Variants in MYOF observed in about 807,000 individuals in gnomAD.
MYOF encodes fer-1-like 3, myoferlin.
MYOF carries 244 observed loss-of-function variants against 284.2 expected under a neutral mutation model. The observed-to-expected ratio is 0.86, with a 90% CI of 0.77 to 0.95. The LOEUF (loss-of-function observed/expected upper bound fraction) is 0.95. Among genes scored for constraint, MYOF ranks in the 40% least tolerant of loss-of-function variants. MYOF has a pLI of 0.00. For missense variants in MYOF, 2,496 were observed against 2,560.6 expected (o/e 0.97, Z 0.54); for synonymous variants, 904 against 919.7 (o/e 0.98, Z 0.31).
At chr10:93,445,013 A>G (rs753453354) in intron 3 of MYOF, among the ~76,000 whole-genome samples, 1 of 152,242 alleles carries the variant, frequency 6.6e-6, no homozygotes, top group Non-Finnish European at 1.5e-5. Context: ...TTCCTACTCA[A>G]CAGTATAAAA....
intron 1 of MYOF, among the ~76,000 whole-genome samples, chr10:93,459,063 G>A (rs1044191451): frequency 5.9e-5 from 9 of 152,226 alleles, no homozygotes; most frequent in African/African-American, 1.4e-4. Context: ...AAGCTTCAGC[G>A]TGACGCTCCT....
At chr10:93,384,301 T>G (rs1846257832) in intron 19 of MYOF, among the ~76,000 whole-genome samples, 1 of 152,154 alleles carries the variant, frequency 6.6e-6, no homozygotes, top group Admixed American at 6.5e-5. Context: ...TTCAGAGAAG[T>G]ACAGAGCCTG....
intron 3 of MYOF, among the ~76,000 whole-genome samples, chr10:93,447,011 C>A (rs1288350534): frequency 6.6e-6 from 1 of 152,176 alleles, no homozygotes; most frequent in Non-Finnish European, 1.5e-5. Context: ...GCCACCACAC[C>A]CAGCCTCGTT....
chr10:93,415,789 C>T (rs888777270), intron 5 of MYOF, among the ~76,000 whole-genome samples: 2 of 152,176 alleles, frequency 1.3e-5, no homozygotes, highest in African/African-American at 4.8e-5. Flanking sequence ...ATACGTTCAT[C>T]GGTTTCCCCC....
At chr10:93,462,965 T>C (rs1253856968) in intron 1 of MYOF, among the ~76,000 whole-genome samples, 1 of 152,144 alleles carries the variant, frequency 6.6e-6, no homozygotes, top group Non-Finnish European at 1.5e-5. Context: ...TTTCTTCCTA[T>C]GGAAAGCAAT....
intron 38 of MYOF, chr10:93,342,043 T>C (rs923648795): frequency 9.6e-7 from 1 of 1,041,512 alleles, no homozygotes; most frequent in Non-Finnish European, 1.3e-6. Context: ...TTGACCAATT[T>C]TCCCCGAAGA....
In MYOF at chr10:93,373,010, C is replaced by A. The variant is rs551469563; in HGVS notation, c.2377G>T (p.Ala793Ser). 6.2e-7 allele frequency: 1 copy of A among 1,614,126 alleles called. No homozygotes were observed. The highest frequency in any genetic ancestry group is 1.7e-5 in the Admixed American group (1 of 60,014). Reference sequence around the variant, plus strand: ...CTGGTGGAGTACAAGACCTGATGTGCGGGAATTCGTGCATAGGCCAGTCTC... The same window carrying A: ...CTGGTGGAGTACAAGACCTGATGTGAGGGAATTCGTGCATAGGCCAGTCTC... ...EKRLAYARIP[A>S]HQVLYSTSGE... is the part of the protein sequence containing the mutation. The change falls in exon 24 of 54, where the codon GCA (alanine) becomes TCA (serine). Residue 793 changes from alanine to serine, a missense_variant. This residue lies in a region of MYOF where 2,436 missense variants were observed against 2,480.7 expected (regional missense o/e 0.98). Transcript: ENST00000359263.
intron 1 of MYOF, among the ~76,000 whole-genome samples, chr10:93,477,761 C>T (rs1233688119): frequency 2.0e-5 from 3 of 152,046 alleles, no homozygotes; most frequent in Non-Finnish European, 2.9e-5. Flanking sequence ...GCAGGAGAAT[C>T]GCTTGAACCC....
intron 22 of MYOF, among the ~76,000 whole-genome samples, chr10:93,376,526 T>C (rs1409295644): frequency 6.6e-6 from 1 of 152,104 alleles, no homozygotes; most frequent in Non-Finnish European, 1.5e-5. Context: ...CCAGCAGTAC[T>C]TTGATTTTGG....
intron 48 of MYOF, among the ~76,000 whole-genome samples, chr10:93,322,001 GA>G (rs35401583): frequency 0.79 from 117,171 of 148,026 alleles, 46,230 homozygotes; most frequent in East Asian, 0.91. Flanking sequence ...TCCCTGATTT[GA>G]AAAAAAAAAA....
chr10:93,476,716 A>T (rs1056722633), intron 1 of MYOF, among the ~76,000 whole-genome samples: 7 of 152,134 alleles, frequency 4.6e-5, no homozygotes, highest in Non-Finnish European at 8.8e-5. Flanking sequence ...AGAAAAAAGG[A>T]CTCTCTGAGA....
chr10:93,356,806 A>T lies in MYOF; in HGVS notation c.3163T>A (p.Ser1055Thr), dbSNP rs1323901406. 6.2e-7 allele frequency: 1 copy of T among 1,613,968 alleles called. No individual in the cohort carries two copies. Among genetic ancestry groups the T allele is most frequent in the Non-Finnish European group, 8.5e-7 (1 of 1,180,026 alleles). Residue 1055 changes from serine to threonine, a missense_variant, in exon 30 of 54, where the codon TCT becomes ACT. Ser to Thr is a moderately conservative substitution (Grantham distance 58). Transcript: ENST00000359263. The part of the protein sequence containing the change: ...LQDQEGWEYA[S>T]LIGWKFHWKQ... ...CAGTGAAATTTCCAGCCAATTAGAGAAGCATATTCCCAGCCCTCTTGGTCT... is the reference window on the plus strand; with the variant it reads ...CAGTGAAATTTCCAGCCAATTAGAGTAGCATATTCCCAGCCCTCTTGGTCT...
intron 48 of MYOF, among the ~76,000 whole-genome samples, chr10:93,322,793 C>T (rs1366367684): frequency 6.6e-6 from 1 of 152,132 alleles, no homozygotes; most frequent in Non-Finnish European, 1.5e-5. Flanking sequence ...AGAAATAATA[C>T]ATCTGCTTAA....
chr10:93,459,549 C>T (rs1314797473), intron 1 of MYOF, among the ~76,000 whole-genome samples: 1 of 152,196 alleles, frequency 6.6e-6, no homozygotes, highest in Non-Finnish European at 1.5e-5. Flanking sequence ...TGAACTACAT[C>T]CCTCTGGCTC....
Position 93,399,501 on chromosome 10 carries a change from A to T in MYOF, c.1118-6T>A, listed in dbSNP as rs1847175211. The T allele has an allele frequency of 6.3e-7, 1 of 1,595,948 alleles. No individual in the cohort carries two copies. On this transcript the variant is annotated splice_region_variant and splice_polypyrimidine_tract_variant and intron_variant, in intron 12 of 53. Transcript: ENST00000359263. ...CTGTGAGAAGGCATCATCCACTGGA[A>T]GGTAATAGTTATACAGCAGAAATTA...
intron 26 of MYOF, among the ~76,000 whole-genome samples, chr10:93,364,346 T>C (rs1845227007): frequency 6.6e-6 from 1 of 152,254 alleles, no homozygotes; most frequent in Admixed American, 6.5e-5. Flanking sequence ...GGATGGGGTC[T>C]GGGAAAACAG....
chr10:93,323,391 G>A (rs768030892), intron 46 of MYOF, 33 bp from the exon 47 acceptor site: 2 of 1,538,720 alleles, frequency 1.3e-6, no homozygotes, highest in East Asian at 4.5e-5. Context: ...GAGGACTGAA[G>A]TTATATGATG....
At chr10:93,378,691 G>GTATATATATATATA (rs1375868034) in intron 21 of MYOF, among the ~76,000 whole-genome samples, 1 of 42,256 alleles carries the variant, frequency 2.4e-5, no homozygotes, top group Non-Finnish European at 4.5e-5. Flanking sequence ...ATGTGTGTGT[G>GTATATATATATATA]TGTATATATA....
chr10:93,366,560 TA>T lies in MYOF; in HGVS notation c.2590-6del, dbSNP rs1471945360. 3.2e-6 allele frequency: 5 copies of T among 1,585,534 alleles called. No individual in the cohort carries two copies. The highest frequency in any genetic ancestry group is 1.4e-5 in the African/African-American group (1 of 73,040). The stretch of plus-strand genomic sequence containing the variant: ...CATGAGAGCTTGATTTTCATACTAT[TA>T]AAAAAGAGATAAAATTGGAGAAACA... On this transcript the variant is annotated splice_polypyrimidine_tract_variant and splice_region_variant and intron_variant, in intron 25 of 53. Transcript: ENST00000359263.
Sources: gnomAD v4.1 joint callset for allele counts (sites outside exome capture counted in the v4.1 genomes callset) on GRCh38, gnomAD v4.1.1 for gene constraint, gnomAD v4.1.1 regional missense constraint, MANE v1.5 for transcripts, NCBI Gene and HGNC (gene_info 2026-07-23, HGNC 2026-07-21) for gene names.